Variants in MST1 observed in about 807,000 individuals in gnomAD.
MST1 encodes hepatocyte growth factor-like protein.
MST1 carries 76 observed loss-of-function variants against 100.1 expected under a neutral mutation model. That is an observed-to-expected ratio of 0.76 (90% CI 0.63 to 0.92). MST1 has a LOEUF of 0.92. Ranked by LOEUF, MST1 falls within the 40% of genes least tolerant of loss-of-function variation. The pLI is 0.00. For synonymous variants in MST1, 352 were observed against 385.4 expected (o/e 0.91, Z 1.01); for missense variants, 850 against 990.0 (o/e 0.86, Z 1.90).
rs566766316 is a variant in MST1, at chr3:49,688,516, G to A, written c.94+82C>T. On this transcript the variant is annotated intron_variant, in intron 1 of 17. Coordinates refer to ENST00000449682, the MANE Select transcript of MST1 (RefSeq NM_020998.4). ...ATGCCCACTGAGCCTCTGGCTCCCC[G>A]ACTTTTTTCTCATCCTAGAATAGGA... is the stretch of plus-strand genomic sequence containing the variant. 928 of 1,516,500 alleles carry A rather than the reference G, an allele frequency of 6.1e-4. 5 individuals carry two copies. In the South Asian group the frequency reaches 0.01, roughly 17 times the overall value. The allele number at this position is 1,516,500 out of a possible 1,614,324, so 93.9% of individuals were successfully genotyped here. A position where few individuals can be genotyped will look rare whatever the true frequency, so the allele number is the denominator to read the frequency against.
rs1370244943 is a variant in MST1 at position 49,687,688 on chromosome 3, G to T, written c.243-20C>A. On this transcript the variant is annotated intron_variant, in intron 2 of 17. Transcript: ENST00000449682. ...AAGGCCCTGGAGAGAAGAAGGCACA[G>T]GGTAACGCCACAGCCCAGGCTTCCC... 6.2e-7 allele frequency: 1 copy of T among 1,613,314 alleles called. No homozygotes were observed. Among genetic ancestry groups the T allele is most frequent in the Admixed American group, 1.7e-5 (1 of 60,000 alleles).
Position 49,686,812 on chromosome 3 carries a change from G to A in MST1, c.729-10C>T, listed in dbSNP as rs1228602910. 1.2e-6 allele frequency: 2 copies of A among 1,612,466 alleles called. No individual in the cohort carries two copies. The highest frequency in any genetic ancestry group is 1.3e-5 in the African/African-American group (1 of 74,922). On this transcript the variant is annotated splice_polypyrimidine_tract_variant and intron_variant, in intron 6 of 17. Transcript: ENST00000449682. ...ACCTTGGTCGAGGAACCTGGGGGCG[G>A]TAATGGGGCGTGAACAAGACCCTGG... is the stretch of plus-strand genomic sequence containing the variant.
chr3:49,688,703 T>A lies in MST1; in HGVS notation c.-12A>T, dbSNP rs768658668. On this transcript the variant is annotated 5_prime_UTR_variant, in exon 1 of 18. Coordinates refer to ENST00000449682, the MANE Select transcript of MST1 (RefSeq NM_020998.4). ...CACCACAGCCCCATCCGGGAAGTTG[T>A]GAAACCTGTCCCTACGGGATTGGGT... 2.5e-6 allele frequency: 4 copies of A among 1,587,308 alleles called. No homozygotes were observed. Among genetic ancestry groups the A allele is most frequent in the African/African-American group, 1.3e-5 (1 of 74,592 alleles).
intron 4 of MST1, 36 bp from the exon 5 acceptor site, chr3:49,687,321 G>A: frequency 1.2e-6 from 2 of 1,613,482 alleles, no homozygotes; most frequent in Non-Finnish European, 1.7e-6. Context: ...TGTGTGCTGG[G>A]GGAAGGCCCC....
At position 49,686,677 on chromosome 3, in the gene MST1, C is replaced by T. The variant is rs1323718571; in HGVS notation, c.847+7G>A. ...GTACCCTCCCAGGCCTGGTCCCCGC[C>T]GCCTACCGCAGCGGGGGAGGTCACA... is the stretch of plus-strand genomic sequence containing the variant. On this transcript the variant is annotated splice_region_variant and intron_variant, in intron 7 of 17. Transcript: ENST00000449682. 3 of 1,551,736 alleles carry T rather than the reference C, an allele frequency of 1.9e-6. No homozygotes were observed. The highest frequency in any genetic ancestry group is 1.7e-6 in the Non-Finnish European group (2 of 1,146,388).
chr3:49,684,780 C>G lies in MST1; in HGVS notation c.1727G>C (p.Cys576Ser). 1 of 1,613,572 alleles carries G rather than the reference C, an allele frequency of 6.2e-7. No individual in the cohort carries two copies. Among genetic ancestry groups the G allele is most frequent in the South Asian group, 1.1e-5 (1 of 91,084 alleles). ...GACAAGCTGGGAGCCTGAGGGCCCA[C>G]ACACCATCTTGGCTACTGGGACCCG... is the stretch of plus-strand genomic sequence containing the variant. ...LQRVPVAKMV[C>S]GPSGSQLVLL... is the part of the protein sequence containing the mutation. The change falls in exon 15 of 18, where the codon TGT becomes TCT. Residue 576 changes from cysteine to serine, a missense_variant. By Grantham distance (112) the Cys-to-Ser change is moderately radical. Transcript: ENST00000449682.
At position 49,685,483 on chromosome 3, in the gene MST1, G is replaced by A; in HGVS notation, c.1411C>T (p.Leu471=). The part of the protein sequence containing the change: ...RCADDQPPSI[L]DPPDQVQFEK... ...CCCAACTCCTAACCTGGGGGGTCCA[G>A]GATTGATGGCGGCTGGTCATCAGCT... Residue 471 remains leucine (L), a synonymous_variant, in exon 12 of 18, where the codon CTG becomes TTG. Transcript: ENST00000449682. The A allele has an allele frequency of 6.2e-7, 1 of 1,613,682 alleles. No individual in the cohort carries two copies.
rs938964828 is a variant in MST1 at position 49,688,861 on chromosome 3, G to C, written c.-170C>G. On this transcript the variant is annotated 5_prime_UTR_variant, in exon 1 of 18. Transcript: ENST00000449682. Reference sequence around the variant, plus strand: ...GCCTAGTACAGCTTAGTGGACAGGTGTTAGGAAGGTTTGGTGGGGACACTT... The same window carrying C: ...GCCTAGTACAGCTTAGTGGACAGGTCTTAGGAAGGTTTGGTGGGGACACTT... 1 of 531,762 alleles carries C rather than the reference G, an allele frequency of 1.9e-6. No individual in the cohort carries two copies. The highest frequency in any genetic ancestry group is 2.0e-5 in the African/African-American group (1 of 51,056). The allele number at this position is 531,762 out of a possible 1,614,324, so 32.9% of individuals were successfully genotyped here. A position where few individuals can be genotyped will look rare whatever the true frequency, so the allele number is the denominator to read the frequency against.
Position 49,685,492 on chromosome 3 carries a change from G to A in MST1, c.1402C>T (p.Pro468Ser). 1.2e-6 allele frequency: 2 copies of A among 1,613,630 alleles called. No individual in the cohort carries two copies. Among genetic ancestry groups the A allele is most frequent in the South Asian group, 1.1e-5 (1 of 91,080 alleles). Residue 468 changes from proline to serine, a missense_variant, in exon 12 of 18, where the codon CCA (proline) becomes TCA (serine). Around this residue, in one of 2 missense-constraint regions of MST1, gnomAD observed 816 missense variants for 924.6 expected, o/e 0.88. Transcript: ENST00000449682. ...TAACCTGGGGGGTCCAGGATTGATG[G>A]CGGCTGGTCATCAGCTGAAAGACAA... Reference protein sequence around the residue: ...ALRRCADDQPPSILDPPDQVQ... With the variant: ...ALRRCADDQPSSILDPPDQVQ...
In MST1 at chr3:49,686,992, C is replaced by G. The variant is rs2053826243; in HGVS notation, c.683G>C (p.Arg228Pro). The G allele has an allele frequency of 1.2e-6, 2 of 1,611,264 alleles. No homozygotes were observed. The highest frequency in any genetic ancestry group is 8.5e-7 in the Non-Finnish European group (1 of 1,179,784). The change falls in exon 6 of 18, where the codon CGC (arginine) becomes CCC (proline). Residue 228 changes from arginine (R) to proline (P), a missense_variant. This residue lies in a region of MST1 where 816 missense variants were observed against 924.6 expected (regional missense o/e 0.88). Coordinates refer to ENST00000449682, the MANE Select transcript of MST1 (RefSeq NM_020998.4). ...CTGGTGCGGGTGCTGAAGATCCCAG[C>G]GCTGGCACTCGCGCCCTGACTCCGT... is the stretch of plus-strand genomic sequence containing the variant. Reference protein sequence around the residue: ...DRTESGRECQRWDLQHPHQHP... With the variant: ...DRTESGRECQPWDLQHPHQHP...
In MST1 at chr3:49,684,620, G is replaced by A; in HGVS notation, c.1806C>T (p.Cys602=). The A allele has an allele frequency of 6.2e-7, 1 of 1,613,804 alleles. No homozygotes were observed. The highest frequency in any genetic ancestry group is 8.5e-7 in the Non-Finnish European group (1 of 1,179,862). ...GCACCACATACCATTCAGGGGGCAGGCAGATCAGGGCCACACGCTGGTTCA... is the reference window on the plus strand; with the variant it reads ...GCACCACATACCATTCAGGGGGCAGACAGATCAGGGCCACACGCTGGTTCA... ...VTLNQRVALI[C]LPPEWYVVPP... is the part of the protein sequence containing the mutation. Residue 602 remains cysteine (C), a synonymous_variant, in exon 16 of 18, where the codon TGC becomes TGT. Coordinates refer to ENST00000449682, the MANE Select transcript of MST1 (RefSeq NM_020998.4).
chr3:49,686,526 T>C (rs1367985600), intron 7 of MST1, 45 bp from the exon 8 acceptor site: 1 of 1,604,766 alleles, frequency 6.2e-7, no homozygotes, highest in South Asian at 1.1e-5. Context: ...AGAGCTGAGA[T>C]CCCTCTGGGG....
rs1346263688 is a variant in MST1 at position 49,685,687 on chromosome 3, G to T, written c.1296C>A (p.Phe432Leu). Residue 432 changes from phenylalanine (F) to leucine (L), a missense_variant, in exon 11 of 18, where the codon TTC becomes TTA. Physicochemically the swap from Phe to Leu is conservative, Grantham distance 22. Transcript: ENST00000449682. ...SEPHAQLEEN[F>L]CRNPDGDSHG... Reference sequence around the variant, plus strand: ...GGCTATCCCCATCTGGGTTCCGGCAGAAGTTCTCCTCCAGTTGTGCATGCG... The same window carrying T: ...GGCTATCCCCATCTGGGTTCCGGCATAAGTTCTCCTCCAGTTGTGCATGCG... The T allele has an allele frequency of 6.2e-7, 1 of 1,613,466 alleles. No individual in the cohort carries two copies. Among genetic ancestry groups the T allele is most frequent in the East Asian group, 2.2e-5 (1 of 44,886 alleles).
At position 49,687,653 on chromosome 3, in the gene MST1, G is replaced by A. The variant is rs201833731; in HGVS notation, c.258C>T (p.Asn86=). The A allele has an allele frequency of 8.1e-6, 13 of 1,613,368 alleles. No individual in the cohort carries two copies. Among genetic ancestry groups the A allele is most frequent in the African/African-American group, 4.0e-5 (3 of 74,942 alleles). The change falls in exon 3 of 18, where the codon AAC becomes AAT. Residue 86 remains asparagine, a synonymous_variant. Coordinates refer to ENST00000449682, the MANE Select transcript of MST1 (RefSeq NM_020998.4). ...PLMDCRAFHY[N]VSSHGCQLLP... Reference sequence around the variant, plus strand: ...GCAGTTGGCAACCATGGCTGCTCACGTTGTAGTGGAAGGCCCTGGAGAGAA... The same window carrying A: ...GCAGTTGGCAACCATGGCTGCTCACATTGTAGTGGAAGGCCCTGGAGAGAA...
chr3:49,685,966 T>A lies in MST1; in HGVS notation c.1148-4A>T, dbSNP rs4052581. On this transcript the variant is annotated splice_polypyrimidine_tract_variant and splice_region_variant and intron_variant, in intron 9 of 17. Transcript: ENST00000449682. ...TCCCCTGCGCCGTGGTAGCAGTCTG[T>A]GGCGGGTGCGGGCAGCCATCAGGCC... is the stretch of plus-strand genomic sequence containing the variant. 3.1e-5 allele frequency: 48 copies of A among 1,562,902 alleles called. No individual in the cohort carries two copies. Among genetic ancestry groups the A allele is most frequent in the Non-Finnish European group, 3.7e-5 (43 of 1,152,670 alleles).
In MST1 at chr3:49,684,176, C is replaced by A; in HGVS notation, c.2030G>T (p.Gly677Val). 1 of 1,612,340 alleles carries A rather than the reference C, an allele frequency of 6.2e-7. No homozygotes were observed. Among genetic ancestry groups the A allele is most frequent in the South Asian group, 1.1e-5 (1 of 91,002 alleles). ...PVGACEGDYGGPLACFTHNCW... is the reference protein window; with the variant it reads ...PVGACEGDYGVPLACFTHNCW... Reference sequence around the variant, plus strand: ...GTTGTGGGTAAAGCAGGCAAGTGGGCCCCCGTAGTCACCCTGGCAGGTAGG... The same window carrying A: ...GTTGTGGGTAAAGCAGGCAAGTGGGACCCCGTAGTCACCCTGGCAGGTAGG... The change falls in exon 18 of 18, where the codon GGC becomes GTC. Residue 677 changes from glycine to valine, a missense_variant. Transcript: ENST00000449682.
Position 49,684,663 on chromosome 3 carries a change from C to T in MST1, c.1770-7G>A, listed in dbSNP as rs754960336. The T allele has an allele frequency of 1.1e-5, 18 of 1,613,394 alleles. 2 individuals carry two copies. The Middle Eastern group carries it at 4.9e-4, about 44-fold the overall frequency. The stretch of plus-strand genomic sequence containing the variant: ...CTGGTTCAGGGTCACAGATCTTTAG[C>T]AAGAATGGGGGCACTCAGGGTCTGA... On this transcript the variant is annotated splice_region_variant and splice_polypyrimidine_tract_variant and intron_variant, in intron 15 of 17. Coordinates refer to ENST00000449682, the MANE Select transcript of MST1 (RefSeq NM_020998.4).
intron 6 of MST1, 21 bp downstream of exon 6, chr3:49,686,926 G>C (rs1453056205): frequency 6.2e-7 from 1 of 1,611,626 alleles, no homozygotes; most frequent in East Asian, 2.2e-5. Context: ...CCCCCAGGAC[G>C]CCGATACCGC....
intron 9 of MST1, 45 bp from the exon 10 acceptor site, chr3:49,686,007 C>T (rs748134689): frequency 6.2e-7 from 1 of 1,603,504 alleles, no homozygotes; most frequent in South Asian, 1.1e-5. Flanking sequence ...CTCGCCCCGG[C>T]CCTCCGGTTC....
Sources: allele counts gnomAD v4.1 joint callset, GRCh38; gene constraint gnomAD v4.1.1; regional missense constraint gnomAD v4.1.1; transcripts MANE v1.5; gene names NCBI Gene and HGNC (gene_info 2026-07-23, HGNC 2026-07-21).